KAT2B: variants seen among roughly 807,000 people sequenced by gnomAD.
The protein encoded by KAT2B is histone acetyltransferase KAT2B.
In KAT2B, 36 loss-of-function variants were observed where a neutral mutation model predicts 105.9. That is an observed-to-expected ratio of 0.34 (90% CI 0.26 to 0.45). The LOEUF (loss-of-function observed/expected upper bound fraction) is 0.45, where lower values mean the gene tolerates loss of function less well. Ranked by LOEUF, KAT2B falls within the 20% of genes least tolerant of loss-of-function variation. The probability of loss-of-function intolerance (pLI) is 1.00; values close to 1 mark genes in which losing one functional copy is unlikely to be tolerated. For synonymous variants in KAT2B, 397 were observed against 377.9 expected (o/e 1.05, Z -0.59); for missense variants, 820 against 1,021.6 (o/e 0.80, Z 2.69).
At chr3:20,104,633 A>T (rs1360547625) in intron 5 of KAT2B, among the ~76,000 whole-genome samples, 7 of 152,230 alleles carry the variant, frequency 4.6e-5, no homozygotes, top group Non-Finnish European at 8.8e-5. Context: ...TTCAGCTTAT[A>T]ACTTACAGCA....
chr3:20,130,271 G>A (rs1351956415), intron 11 of KAT2B, among the ~76,000 whole-genome samples: 1 of 152,212 alleles, frequency 6.6e-6, no homozygotes, highest in Non-Finnish European at 1.5e-5. Flanking sequence ...TCATCATTCT[G>A]ACTGGGGAAG....
intron 13 of KAT2B, among the ~76,000 whole-genome samples, chr3:20,141,738 A>T (rs1699697450): frequency 6.6e-6 from 1 of 151,666 alleles, no homozygotes; most frequent in African/African-American, 2.4e-5. Flanking sequence ...TCTTTTACTT[A>T]AAGTGGCTCA....
chr3:20,044,918 G>A (rs540719146), intron 1 of KAT2B, among the ~76,000 whole-genome samples: 3 of 152,370 alleles, frequency 2.0e-5, no homozygotes, highest in African/African-American at 7.2e-5. Context: ...GTTAGCAGTT[G>A]TGGAATTTTA....
In KAT2B at chr3:20,114,981, C is replaced by T. The variant is rs1575142192; in HGVS notation, c.1143C>T (p.Ile381=). ...CTTCCAGAACCAGCCAGCTAGGCAT[C>T]CAAACAGGTAAGTTTCCTTTTACAT... ...SASSRTSQLG[I]QTVINPPPVA... The change falls in exon 7 of 18, where the codon ATC becomes ATT. Residue 381 remains isoleucine, a synonymous_variant. Transcript: ENST00000263754. 6.2e-7 allele frequency: 1 copy of T among 1,603,440 alleles called. No individual in the cohort carries two copies. The highest frequency in any genetic ancestry group is 8.5e-7 in the Non-Finnish European group (1 of 1,170,504).
chr3:20,104,674 C>T (rs75587570), intron 5 of KAT2B, among the ~76,000 whole-genome samples: 2,497 of 152,006 alleles, frequency 0.016, 63 homozygotes, highest in African/African-American at 0.057. Flanking sequence ...AAAGATGTGC[C>T]GAAAATGTTT....
chr3:20,145,022 C>T (rs1699761491), intron 13 of KAT2B, among the ~76,000 whole-genome samples: 1 of 151,994 alleles, frequency 6.6e-6, no homozygotes, highest in Admixed American at 6.6e-5. Context: ...GTCTCGAGCT[C>T]CTCACCTCAA....
chr3:20,072,590 C>T, intron 2 of KAT2B, 131 bp downstream of exon 2: 1 of 832,060 alleles, frequency 1.2e-6, no homozygotes, highest in African/African-American at 1.7e-5. Flanking sequence ...ACAAGAGCCT[C>T]TCTAGTCTCA....
In KAT2B at chr3:20,153,746, A is replaced by G. The variant is rs1699905293; in HGVS notation, c.*1221A>G. 6.6e-6 allele frequency: 1 copy of G among 152,618 alleles called. No individual in the cohort carries two copies. Among genetic ancestry groups the G allele is most frequent in the Non-Finnish European group, 1.5e-5 (1 of 68,000 alleles). The allele number at this position is 152,618 out of a possible 1,614,324, so 9.5% of individuals were successfully genotyped here. On this transcript the variant is annotated 3_prime_UTR_variant, in exon 18 of 18. Coordinates refer to ENST00000263754, the MANE Select transcript of KAT2B (RefSeq NM_003884.5). ...ATATACAACCATATAAATGAAGGCC[A>G]TCTTGATGGTCTCAACACTAATTTT...
intron 4 of KAT2B, among the ~76,000 whole-genome samples, chr3:20,100,198 A>C (rs572175858): frequency 6.6e-6 from 1 of 152,268 alleles, no homozygotes; most frequent in East Asian, 1.9e-4. Context: ...GGGAAGAAAA[A>C]CATTAAGTAG....
intron 7 of KAT2B, among the ~76,000 whole-genome samples, chr3:20,115,803 A>G (rs1214424320): frequency 1.3e-5 from 2 of 152,142 alleles, no homozygotes; most frequent in African/African-American, 4.8e-5. Flanking sequence ...TCTGGGAACC[A>G]GTGATCTGTG....
chr3:20,084,343 T>G (rs997822456), intron 2 of KAT2B, among the ~76,000 whole-genome samples: 1 of 152,188 alleles, frequency 6.6e-6, no homozygotes, highest in African/African-American at 2.4e-5. Flanking sequence ...ATTCTCCTGC[T>G]TCAGTGCTCC....
At chr3:20,107,552 G>T (rs1699043274) in intron 5 of KAT2B, among the ~76,000 whole-genome samples, 1 of 150,192 alleles carries the variant, frequency 6.7e-6, no homozygotes, top group Non-Finnish European at 1.5e-5. Context: ...CAGCTACTTG[G>T]GAGGCTGGGG....
At chr3:20,078,191 A>C (rs1161523646) in intron 2 of KAT2B, among the ~76,000 whole-genome samples, 1 of 152,094 alleles carries the variant, frequency 6.6e-6, no homozygotes, top group East Asian at 1.9e-4. Flanking sequence ...AAAATAAATA[A>C]ATAAATAAAT....
chr3:20,152,276 G>T, intron 17 of KAT2B, 56 bp from the exon 18 acceptor site: 1 of 1,253,634 alleles, frequency 8.0e-7, no homozygotes, highest in African/African-American at 1.5e-5. Context: ...TCCCAGTTTT[G>T]TCAGCTGGTG....
chr3:20,106,089 C>T (rs1401028654), intron 5 of KAT2B, among the ~76,000 whole-genome samples: 1 of 152,152 alleles, frequency 6.6e-6, no homozygotes, highest in Non-Finnish European at 1.5e-5. Context: ...TTCCTGAAAA[C>T]CACAGGATTT....
At chr3:20,145,002 G>A (rs1699761027) in intron 13 of KAT2B, among the ~76,000 whole-genome samples, 1 of 151,456 alleles carries the variant, frequency 6.6e-6, no homozygotes, top group South Asian at 2.1e-4. Context: ...TCACCGTGTT[G>A]GCCAGGCTGG....
chr3:20,129,781 C>G (rs1699476662), intron 11 of KAT2B, among the ~76,000 whole-genome samples: 1 of 152,118 alleles, frequency 6.6e-6, no homozygotes, highest in African/African-American at 2.4e-5. Context: ...GCCAGTGGCT[C>G]CTGTATTGGA....
chr3:20,121,729 CAT>C (rs1491140943), intron 8 of KAT2B, among the ~76,000 whole-genome samples: 3,227 of 120,334 alleles, frequency 0.027, 78 homozygotes, highest in South Asian at 0.067. Flanking sequence ...TACACATATG[CAT>C]ATGTGTGTGT....
rs9884012 is a variant in KAT2B at position 20,122,844 on chromosome 3, T to G, written c.1413+40T>G. 2.9e-3 allele frequency: 4,526 copies of G among 1,580,320 alleles called. 130 individuals are homozygous for G. In the African/African-American group the frequency reaches 0.054, roughly 19 times the overall value. On this transcript the variant is annotated intron_variant, in intron 9 of 17. Coordinates refer to ENST00000263754, the MANE Select transcript of KAT2B (RefSeq NM_003884.5). The stretch of plus-strand genomic sequence containing the variant: ...CCTGGGCAGCCAGCTGGTAGACCTC[T>G]TCTGCTCTCCTGGCCACTCCAGCTG...
Sources: allele counts gnomAD v4.1 joint callset (sites outside exome capture counted in the v4.1 genomes callset), GRCh38; gene constraint gnomAD v4.1.1; transcripts MANE v1.5; gene names NCBI Gene and HGNC (gene_info 2026-07-23, HGNC 2026-07-21).